Variants in ZBTB7C observed in about 807,000 individuals in gnomAD.
The protein encoded by ZBTB7C is zinc finger and BTB domain containing 7C.
In ZBTB7C, 8 loss-of-function variants were observed where a neutral mutation model predicts 25.7. That is an observed-to-expected ratio of 0.31 (90% CI 0.18 to 0.56). ZBTB7C has a LOEUF of 0.56. Among genes scored for constraint, ZBTB7C ranks in the 20% least tolerant of loss-of-function variants. ZBTB7C has a pLI of 0.91. For missense variants in ZBTB7C, 824 were observed against 855.2 expected (o/e 0.96, Z 0.46); for synonymous variants, 394 against 369.0 (o/e 1.07, Z -0.78).
intron 2 of ZBTB7C, among the ~76,000 whole-genome samples, chr18:48,243,266 C>A (rs1599173416): frequency 9.5e-6 from 1 of 105,046 alleles, no homozygotes; most frequent in South Asian, 3.9e-4. Context: ...TCTCTACCCC[C>A]CCACAAAAAA....
intron 3 of ZBTB7C, among the ~76,000 whole-genome samples, chr18:48,159,093 G>A (rs2040924543): frequency 6.6e-6 from 1 of 152,234 alleles, no homozygotes; most frequent in African/African-American, 2.4e-5. Flanking sequence ...TGGCCTCAAG[G>A]AGCATAACCA....
At chr18:48,095,960 G>A (rs1025313290) in intron 3 of ZBTB7C, among the ~76,000 whole-genome samples, 1 of 152,120 alleles carries the variant, frequency 6.6e-6, no homozygotes, top group African/African-American at 2.4e-5. Flanking sequence ...CAGGCAAGGA[G>A]GCTGCAAGCA....
chr18:48,310,297 TTAG>T (rs2045784223), intron 2 of ZBTB7C, among the ~76,000 whole-genome samples: 1 of 152,074 alleles, frequency 6.6e-6, no homozygotes, highest in Non-Finnish European at 1.5e-5. Context: ...GTTATTATTA[TTAG>T]GTTATTGAGG....
intron 3 of ZBTB7C, among the ~76,000 whole-genome samples, chr18:48,140,497 C>T (rs1278075673): frequency 2.0e-5 from 3 of 152,030 alleles, no homozygotes; most frequent in Non-Finnish European, 4.4e-5. Context: ...CTTTGTGACT[C>T]TGGTGACTCA....
chr18:48,149,993 G>C (rs1407980538), intron 3 of ZBTB7C: 1 of 151,808 alleles, frequency 6.6e-6, no homozygotes, highest in South Asian at 2.1e-4. Flanking sequence ...TAGTAGAGAC[G>C]GGGTTTCACC....
At chr18:48,180,990 AC>A (rs139045025) in intron 3 of ZBTB7C, among the ~76,000 whole-genome samples, 3,022 of 152,214 alleles carry the variant, frequency 0.02, 101 homozygotes, top group African/African-American at 0.069. Context: ...AAGTTACTTA[AC>A]CTCACTGTTA....
intron 3 of ZBTB7C, chr18:48,087,860 C>T (rs1254266567): frequency 3.0e-4 from 31 of 102,966 alleles, no homozygotes; most frequent in African/African-American, 1.1e-3. Context: ...GGGGGGGGGG[C>T]ATTTTTCCAT....
At chr18:48,199,631 C>T (rs1258094763) in intron 2 of ZBTB7C, among the ~76,000 whole-genome samples, 2 of 151,694 alleles carry the variant, frequency 1.3e-5, no homozygotes, top group African/African-American at 2.4e-5. Flanking sequence ...TTTCCTTTTC[C>T]TCCCCCTCCT....
At chr18:48,253,325 CAGCCA>C (rs2043924852) in intron 2 of ZBTB7C, among the ~76,000 whole-genome samples, 1 of 152,172 alleles carries the variant, frequency 6.6e-6, no homozygotes, top group Non-Finnish European at 1.5e-5. Flanking sequence ...CTGCAGCTTT[CAGCCA>C]AGGTAGAGAG....
At chr18:48,318,779 A>C (rs984127753) in intron 2 of ZBTB7C, among the ~76,000 whole-genome samples, 1 of 152,190 alleles carries the variant, frequency 6.6e-6, no homozygotes, top group Admixed American at 6.5e-5. Flanking sequence ...CTCCCCAAGA[A>C]GGGCACTCCT....
At chr18:48,111,163 G>A (rs2039224677) in intron 3 of ZBTB7C, among the ~76,000 whole-genome samples, 1 of 152,100 alleles carries the variant, frequency 6.6e-6, no homozygotes, top group Non-Finnish European at 1.5e-5. Flanking sequence ...GGGTTTCTGG[G>A]TGTGTCACCT....
chr18:48,370,564 G>A (rs1349029483), intron 1 of ZBTB7C, among the ~76,000 whole-genome samples: 1 of 152,030 alleles, frequency 6.6e-6, no homozygotes, highest in Non-Finnish European at 1.5e-5. Context: ...TTGCCATTGG[G>A]GGAAACTGGG....
chr18:48,155,695 C>T (rs2144916897), intron 3 of ZBTB7C, among the ~76,000 whole-genome samples: 1 of 152,182 alleles, frequency 6.6e-6, no homozygotes, highest in East Asian at 1.9e-4. Flanking sequence ...AAACGATTTC[C>T]TTCTCAGTGC....
At chr18:48,092,879 A>G (rs2038471303) in intron 3 of ZBTB7C, among the ~76,000 whole-genome samples, 1 of 152,220 alleles carries the variant, frequency 6.6e-6, no homozygotes, top group Non-Finnish European at 1.5e-5. Flanking sequence ...ATCGGTAGAT[A>G]AAGGCTGATA....
intron 1 of ZBTB7C, among the ~76,000 whole-genome samples, chr18:48,371,584 G>C (rs1048957900): frequency 6.6e-6 from 1 of 152,238 alleles, no homozygotes; most frequent in Admixed American, 6.5e-5. Flanking sequence ...TAACCAGGAA[G>C]AGAGTGGGAG....
chr18:48,162,701 TC>T (rs1380662933), intron 3 of ZBTB7C, among the ~76,000 whole-genome samples: 1 of 152,000 alleles, frequency 6.6e-6, no homozygotes, highest in African/African-American at 2.4e-5. Context: ...GAGCTGAAGT[TC>T]CCCCACAGGA....
intron 2 of ZBTB7C, among the ~76,000 whole-genome samples, chr18:48,304,893 C>CCTTGACTTCA (rs1418349553): frequency 6.6e-6 from 1 of 150,376 alleles, no homozygotes; most frequent in African/African-American, 2.5e-5. Flanking sequence ...ATTTCTGACA[C>CCTTGACTTCA]CTTGACTTCA....
At chr18:48,244,328 T>C (rs1184276780) in intron 2 of ZBTB7C, among the ~76,000 whole-genome samples, 1 of 152,134 alleles carries the variant, frequency 6.6e-6, no homozygotes, top group African/African-American at 2.4e-5. Context: ...GGCAGAAGAA[T>C]GGTGTGAACC....
At chr18:48,317,992 C>T (rs2045990667) in intron 2 of ZBTB7C, among the ~76,000 whole-genome samples, 1 of 152,142 alleles carries the variant, frequency 6.6e-6, no homozygotes, top group Non-Finnish European at 1.5e-5. Context: ...TCACCCCCTG[C>T]CCATCTCAGG....
Sources: allele counts gnomAD v4.1 joint callset (sites outside exome capture counted in the v4.1 genomes callset), GRCh38; gene constraint gnomAD v4.1.1; transcripts MANE v1.5; gene names NCBI Gene and HGNC (gene_info 2026-07-23, HGNC 2026-07-21).